Variants in GABPB1 observed in about 807,000 individuals in gnomAD.
The protein encoded by GABPB1 is GA binding protein transcription factor subunit beta 1.
A neutral mutation model predicts 45.9 loss-of-function variants in GABPB1; 15 were observed. That is an observed-to-expected ratio of 0.33 (90% CI 0.22 to 0.50). The LOEUF (loss-of-function observed/expected upper bound fraction) is 0.50. Ranked by LOEUF, GABPB1 falls within the 20% of genes least tolerant of loss-of-function variation. GABPB1 has a pLI of 0.98. For synonymous variants in GABPB1, 143 were observed against 154.4 expected (o/e 0.93, Z 0.55); for missense variants, 252 against 457.5 (o/e 0.55, Z 4.10).
At chr15:50,289,316 G>A (rs577243045) in intron 7 of GABPB1, among the ~76,000 whole-genome samples, 167 bp downstream of exon 7, 2 of 151,852 alleles carry the variant, frequency 1.3e-5, no homozygotes, top group Admixed American at 6.6e-5. Flanking sequence ...ATTGCAAAGG[G>A]TTATACAAAT....
chr15:50,301,743 C>CACT (rs1178328549), intron 4 of GABPB1, among the ~76,000 whole-genome samples: 2 of 152,054 alleles, frequency 1.3e-5, no homozygotes, highest in African/African-American at 4.8e-5. Context: ...GCATGGGCAA[C>CACT]ATAGTGAGAC....
chr15:50,285,441 T>C (rs1436406820), intron 8 of GABPB1, among the ~76,000 whole-genome samples: 2 of 152,090 alleles, frequency 1.3e-5, no homozygotes, highest in Admixed American at 1.3e-4. Context: ...TAACTTATTA[T>C]CAAGTTCATG....
chr15:50,349,579 C>T (rs1198005006), intron 1 of GABPB1: 6 of 152,058 alleles, frequency 3.9e-5, no homozygotes, highest in Non-Finnish European at 8.8e-5. Flanking sequence ...ATAAGAGTAA[C>T]AACACACAAC....
Position 50,303,102 on chromosome 15 carries a change from T to G in GABPB1, c.298A>C (p.Lys100Gln), listed in dbSNP as rs1156807958. ...LLKHGADVNA[K>Q]DMLKMTALHW... ...AGAGCTGTCATCTTTAACATGTCCT[T>G]TGCATTGACATCAGCACCATGCTAC... Residue 100 changes from lysine to glutamine, a missense_variant, in exon 4 of 9, where the codon AAG becomes CAG. By Grantham distance (53) the Lys-to-Gln change is moderately conservative (BLOSUM62 1). This residue lies in a region of GABPB1 where 35 missense variants were observed against 143.7 expected (regional missense o/e 0.24). Coordinates refer to ENST00000380877, the MANE Select transcript of GABPB1 (RefSeq NM_016654.5). The G allele has an allele frequency of 6.2e-7, 1 of 1,611,690 alleles. No individual in the cohort carries two copies. Among genetic ancestry groups the G allele is most frequent in the Non-Finnish European group, 8.5e-7 (1 of 1,179,542 alleles).
At chr15:50,313,623 G>T (rs1326056919) in intron 1 of GABPB1, among the ~76,000 whole-genome samples, 1 of 151,824 alleles carries the variant, frequency 6.6e-6, no homozygotes, top group Non-Finnish European at 1.5e-5. Context: ...TTGAATTGTA[G>T]AATCTAAAGG....
intron 1 of GABPB1, chr15:50,354,482 T>G: frequency 2.2e-6 from 1 of 448,292 alleles, no homozygotes; most frequent in South Asian, 1.6e-5. Flanking sequence ...CGTTCCCCTC[T>G]CCGGAGAGCC....
intron 1 of GABPB1, chr15:50,352,958 G>A (rs1343505248): frequency 1.3e-5 from 2 of 151,374 alleles, no homozygotes; most frequent in Non-Finnish European, 2.9e-5. Flanking sequence ...GAACTCTAAG[G>A]ATATGTCTCT....
intron 1 of GABPB1, among the ~76,000 whole-genome samples, chr15:50,311,446 C>T (rs916995147): frequency 6.6e-6 from 1 of 152,068 alleles, no homozygotes; most frequent in Non-Finnish European, 1.5e-5. Flanking sequence ...AGAGTAATGG[C>T]AGGTTGATTA....
chr15:50,283,732 G>T (rs74488436), intron 8 of GABPB1, among the ~76,000 whole-genome samples: 1 of 151,900 alleles, frequency 6.6e-6, no homozygotes, highest in Admixed American at 6.6e-5. Context: ...GGCTGGTCTC[G>T]AACTCCTGAC....
chr15:50,340,975 T>G (rs2048352890), intron 1 of GABPB1, among the ~76,000 whole-genome samples: 1 of 143,192 alleles, frequency 7.0e-6, no homozygotes, highest in Non-Finnish European at 1.5e-5. Context: ...ACATATGGTT[T>G]ATTACCATAT....
At chr15:50,340,902 TTATTACCATATGTAA>T (rs1452321672) in intron 1 of GABPB1, among the ~76,000 whole-genome samples, 9 of 86,358 alleles carry the variant, frequency 1.0e-4, no homozygotes, top group African/African-American at 4.4e-4. Context: ...TACATATGGT[TTATTACCATATGTAA>T]TATTACATAT....
Position 50,355,189 on chromosome 15 carries a change from C to T in GABPB1, c.-205G>A, listed in dbSNP as rs1406576329. ...CCCCCGTGCTGCGCGCGGAGGGACA[C>T]ATGGTGTGCGAGTGAGTCAAGCTCC... On this transcript the variant is annotated 5_prime_UTR_variant, in exon 1 of 9. It adds an upstream start codon to the 5' untranslated region. Coordinates refer to ENST00000380877, the MANE Select transcript of GABPB1 (RefSeq NM_016654.5). 6.5e-6 allele frequency: 1 copy of T among 153,094 alleles called. No homozygotes were observed. The highest frequency in any genetic ancestry group is 1.9e-4 in the East Asian group (1 of 5,176). The allele number at this position is 153,094 out of a possible 1,614,324, so 9.5% of individuals were successfully genotyped here. A position where few individuals can be genotyped will look rare whatever the true frequency, so the allele number is the denominator to read the frequency against.
chr15:50,279,349 C>G (rs1474224099), intron 8 of GABPB1, among the ~76,000 whole-genome samples: 1 of 152,150 alleles, frequency 6.6e-6, no homozygotes, highest in East Asian at 1.9e-4. Context: ...AACATTACTG[C>G]TTTTAAAACT....
chr15:50,345,287 C>T (rs2048523001), intron 1 of GABPB1, among the ~76,000 whole-genome samples: 1 of 152,146 alleles, frequency 6.6e-6, no homozygotes, highest in South Asian at 2.1e-4. Flanking sequence ...AAAAGATGTC[C>T]TCTGAAGCGA....
chr15:50,304,997 CA>C (rs2046891835), intron 2 of GABPB1, among the ~76,000 whole-genome samples: 1 of 151,938 alleles, frequency 6.6e-6, no homozygotes, highest in Non-Finnish European at 1.5e-5. Flanking sequence ...AGGACAAAAC[CA>C]AAACAGAGCC....
At chr15:50,346,591 T>TTG (rs2048592486) in intron 1 of GABPB1, among the ~76,000 whole-genome samples, 1 of 147,198 alleles carries the variant, frequency 6.8e-6, no homozygotes, top group African/African-American at 2.5e-5. Flanking sequence ...CAGAAAGTTT[T>TTG]TTTTTTTTTT....
At chr15:50,308,269 G>A (rs994843543) in intron 2 of GABPB1, among the ~76,000 whole-genome samples, 1 of 152,210 alleles carries the variant, frequency 6.6e-6, no homozygotes, top group African/African-American at 2.4e-5. Context: ...AGAGCCTGGG[G>A]TAATCCCTAG....
chr15:50,307,033 T>C (rs558872772), intron 2 of GABPB1, among the ~76,000 whole-genome samples: 14 of 152,302 alleles, frequency 9.2e-5, no homozygotes, highest in African/African-American at 2.9e-4. Context: ...ACAGTAGTCT[T>C]GTATATGTTT....
chr15:50,337,097 A>G (rs1251311337), intron 1 of GABPB1, among the ~76,000 whole-genome samples: 5 of 4,644 alleles, frequency 1.1e-3, no homozygotes, highest in Non-Finnish European at 1.6e-3. Context: ...ATATATATAT[A>G]TATATATATA....
Sources: allele counts gnomAD v4.1 joint callset (sites outside exome capture counted in the v4.1 genomes callset), GRCh38; gene constraint gnomAD v4.1.1; regional missense constraint gnomAD v4.1.1; transcripts MANE v1.5; gene names NCBI Gene and HGNC (gene_info 2026-07-23, HGNC 2026-07-21).